LRRC4C: variants seen among roughly 807,000 people sequenced by gnomAD.
The protein encoded by LRRC4C is leucine-rich repeat-containing protein 4C.
In LRRC4C, 5 loss-of-function variants were observed where a neutral mutation model predicts 33.6. That is an observed-to-expected ratio of 0.15 (90% CI 0.08 to 0.31). LRRC4C has a LOEUF of 0.31. Ranked by LOEUF, LRRC4C falls within the 10% of genes least tolerant of loss-of-function variation. The pLI is 1.00. For missense variants in LRRC4C, 560 were observed against 796.7 expected (o/e 0.70, Z 3.58); for synonymous variants, 329 against 302.0 (o/e 1.09, Z -0.93).
intron 3 of LRRC4C, among the ~76,000 whole-genome samples, chr11:40,354,630 G>A (rs1947572128): frequency 6.6e-6 from 1 of 152,114 alleles, no homozygotes; most frequent in Non-Finnish European, 1.5e-5. Context: ...CCAGGCCCAT[G>A]GCAAATACTC....
intron 1 of LRRC4C, among the ~76,000 whole-genome samples, chr11:41,438,882 T>C (rs576132963): frequency 1.3e-5 from 2 of 152,326 alleles, no homozygotes; most frequent in South Asian, 4.1e-4. Context: ...GTAGGTGTTT[T>C]TAAATTTTTT....
intron 3 of LRRC4C, among the ~76,000 whole-genome samples, chr11:40,561,574 G>A (rs1168527722): frequency 1.3e-5 from 2 of 151,894 alleles, no homozygotes; most frequent in Middle Eastern, 3.4e-3. Flanking sequence ...CACCACGCCC[G>A]GCTAATTTTT....
intron 6 of LRRC4C, among the ~76,000 whole-genome samples, chr11:40,138,035 G>A (rs1350853687): frequency 6.6e-6 from 1 of 152,134 alleles, no homozygotes; most frequent in Non-Finnish European, 1.5e-5. Context: ...AGAACATTAG[G>A]ATCCAGATGC....
chr11:40,674,808 C>T (rs1944314335), intron 2 of LRRC4C, among the ~76,000 whole-genome samples: 1 of 152,072 alleles, frequency 6.6e-6, no homozygotes, highest in Admixed American at 6.6e-5. Flanking sequence ...AGCTTTTCAC[C>T]ATCACCCTTT....
intron 1 of LRRC4C, among the ~76,000 whole-genome samples, chr11:41,067,167 G>A (rs1938311160): frequency 6.6e-6 from 1 of 152,258 alleles, no homozygotes; most frequent in East Asian, 1.9e-4. Context: ...GTATTCAGGA[G>A]AGCCATCTCA....
At chr11:41,255,087 C>T (rs1591074951) in intron 1 of LRRC4C, among the ~76,000 whole-genome samples, 1 of 152,074 alleles carries the variant, frequency 6.6e-6, no homozygotes. Flanking sequence ...AGAGGTAATG[C>T]AAGTTAGAAT....
chr11:41,382,991 T>C (rs1953214054), intron 1 of LRRC4C, among the ~76,000 whole-genome samples: 1 of 152,100 alleles, frequency 6.6e-6, no homozygotes, highest in Non-Finnish European at 1.5e-5. Flanking sequence ...AAGCATACAA[T>C]GCAACATACA....
At chr11:40,730,115 G>C (rs551536805) in intron 2 of LRRC4C, among the ~76,000 whole-genome samples, 5 of 152,182 alleles carry the variant, frequency 3.3e-5, no homozygotes, top group African/African-American at 1.2e-4. Flanking sequence ...TGGGGTTGGG[G>C]GGGGCAGGGA....
intron 1 of LRRC4C, among the ~76,000 whole-genome samples, chr11:41,245,624 C>A (rs528017958): frequency 7.7e-4 from 117 of 152,340 alleles, no homozygotes; most frequent in African/African-American, 2.4e-3. Flanking sequence ...TAGGTCTGGG[C>A]TCCTGAAAGG....
intron 3 of LRRC4C, among the ~76,000 whole-genome samples, chr11:40,635,456 AG>A (rs1963864087): frequency 6.6e-6 from 1 of 152,140 alleles, no homozygotes; most frequent in South Asian, 2.1e-4. Context: ...ACCTTCAAAC[AG>A]GACAGAAAGA....
chr11:40,157,389 A>G (rs1464131527), intron 5 of LRRC4C, among the ~76,000 whole-genome samples: 1 of 152,158 alleles, frequency 6.6e-6, no homozygotes, highest in African/African-American at 2.4e-5. Flanking sequence ...AAAATGCAAT[A>G]AAAACAAAGA....
At chr11:40,422,207 A>G (rs1950546187) in intron 3 of LRRC4C, among the ~76,000 whole-genome samples, 1 of 152,210 alleles carries the variant, frequency 6.6e-6, no homozygotes, top group African/African-American at 2.4e-5. Context: ...TAACCATCAC[A>G]AGAAATGAAG....
At chr11:40,778,905 T>C (rs1376795364) in intron 2 of LRRC4C, among the ~76,000 whole-genome samples, 3 of 152,148 alleles carry the variant, frequency 2.0e-5, no homozygotes, top group Non-Finnish European at 4.4e-5. Flanking sequence ...TAGATCCCAT[T>C]AGCCAATGTG....
At chr11:40,619,825 C>A (rs977886875) in intron 3 of LRRC4C, among the ~76,000 whole-genome samples, 1 of 151,410 alleles carries the variant, frequency 6.6e-6, no homozygotes, top group Non-Finnish European at 1.5e-5. Flanking sequence ...GCTTCTTCCA[C>A]ACATTTTCTC....
chr11:40,623,479 G>A lies in LRRC4C; in HGVS notation c.-270+24663C>T, dbSNP rs149254157. Among the ~76,000 whole-genome samples, 8 of 151,844 alleles carry A rather than the reference G, an allele frequency of 5.3e-5. No individual in the cohort carries two copies. In the South Asian group the frequency reaches 6.2e-4, roughly 12 times the overall value. On this transcript the variant is annotated intron_variant, in intron 3 of 6. Transcript: ENST00000528697. ...TTTTTTGGTTCATACTCACTTTCTTGACAGTAATTTAGATTACAGTATGTT... is the reference window on the plus strand; with the variant it reads ...TTTTTTGGTTCATACTCACTTTCTTAACAGTAATTTAGATTACAGTATGTT...
At chr11:40,443,914 A>G (rs1951508916) in intron 3 of LRRC4C, among the ~76,000 whole-genome samples, 1 of 152,188 alleles carries the variant, frequency 6.6e-6, no homozygotes, top group African/African-American at 2.4e-5. Context: ...AAAGAACATG[A>G]TATTCAAAAT....
rs1322280080 is a variant in LRRC4C at position 40,965,288 on chromosome 11, G to A, written c.-495-31565C>T. Reference sequence around the variant, plus strand: ...TATTAGCCCTTTGTCAGATTAGTAGGTTACAAAAATTTTCTCCCATTCTGT... The same window carrying A: ...TATTAGCCCTTTGTCAGATTAGTAGATTACAAAAATTTTCTCCCATTCTGT... On this transcript the variant is annotated intron_variant, in intron 1 of 6. Transcript: ENST00000528697. 5.9e-5 allele frequency among the ~76,000 whole-genome samples: 9 copies of A among 152,018 alleles called. 2 individuals are homozygous for A. The highest frequency in any genetic ancestry group is 1.5e-5 in the Non-Finnish European group (1 of 67,948).
At chr11:40,800,340 G>A (rs966356217) in intron 2 of LRRC4C, among the ~76,000 whole-genome samples, 2 of 152,146 alleles carry the variant, frequency 1.3e-5, no homozygotes, top group African/African-American at 4.8e-5. Flanking sequence ...TGAGGACAAT[G>A]CTTATCCATG....
At chr11:40,136,357 C>T (rs915568495) in intron 6 of LRRC4C, among the ~76,000 whole-genome samples, 2 of 152,014 alleles carry the variant, frequency 1.3e-5, no homozygotes, top group South Asian at 2.1e-4. Context: ...AGCTCTGCCT[C>T]CTGGGTTCAC....
Sources: allele counts gnomAD v4.1 joint callset (sites outside exome capture counted in the v4.1 genomes callset), GRCh38; gene constraint gnomAD v4.1.1; transcripts MANE v1.5; gene names NCBI Gene and HGNC (gene_info 2026-07-23, HGNC 2026-07-21).